Variants in SSU72 observed in about 807,000 individuals in gnomAD.
SSU72 encodes the protein SSU72 homolog, RNA polymerase II CTD phosphatase, also known as RNA polymerase II subunit A C-terminal domain phosphatase SSU72.
In SSU72, 12 loss-of-function variants were observed where a neutral mutation model predicts 22.7. That is an observed-to-expected ratio of 0.53 (90% confidence interval 0.34 to 0.86). The LOEUF (loss-of-function observed/expected upper bound fraction) is 0.86, where lower values mean the gene tolerates loss of function less well. SSU72 is among the 40% of genes least tolerant of loss of function. SSU72 has a pLI of 0.02. For missense variants in SSU72, 151 were observed against 249.8 expected, an observed-to-expected ratio of 0.60 and a Z score of 2.67; for synonymous variants, 116 against 98.3, an observed-to-expected ratio of 1.18 and a Z score of -1.06.
At chr1:1,559,812 C>T (rs1335462584) in intron 2 of SSU72, among the ~76,000 whole-genome samples, 17 of 151,102 alleles carry the variant, frequency 1.1e-4, no homozygotes, top group Admixed American at 1.1e-3. Flanking sequence ...CGGCAACCTC[C>T]ATCTCCCAGG....
intron 2 of SSU72, among the ~76,000 whole-genome samples, chr1:1,550,929 T>G (rs1261419952): frequency 6.6e-6 from 1 of 152,074 alleles, no homozygotes; most frequent in African/African-American, 2.4e-5. Flanking sequence ...GGACCTCCTC[T>G]TAAGCTGGAC....
chr1:1,544,662 AGCCCAT>A, intron 3 of SSU72, 195 bp downstream of exon 3: 1 of 645,864 alleles, frequency 1.5e-6, no homozygotes. Flanking sequence ...GGCCCCTTGA[AGCCCAT>A]GAGGCTGCAG....
chr1:1,553,740 G>A (rs189043212), intron 2 of SSU72, among the ~76,000 whole-genome samples: 6 of 150,124 alleles, frequency 4.0e-5, no homozygotes, highest in Non-Finnish European at 8.9e-5. Context: ...GCGGTGAGCC[G>A]AGACCACGCC....
rs757964527 is a variant in SSU72, at chr1:1,574,579, G to A, written c.-22C>T. The stretch of plus-strand genomic sequence containing the variant: ...GCATGGCGGCGGCCGCAAATCCCGC[G>A]GCTCTCCCGCTTGGGTTCCCACCCT... On this transcript the variant is annotated 5_prime_UTR_variant, in exon 1 of 5. Coordinates refer to ENST00000291386, the MANE Select transcript of SSU72 (RefSeq NM_014188.3). 2 of 1,578,766 alleles carry A rather than the reference G, an allele frequency of 1.3e-6. No individual in the cohort carries two copies. Among genetic ancestry groups the A allele is most frequent in the South Asian group, 1.1e-5 (1 of 87,000 alleles).
rs1642788042 is a variant in SSU72, at chr1:1,574,634, C to A, written c.-77G>T. ...CGGCGCTTCCGCGCGAACAAAATGG[C>A]GGCCGCGGTGGCCGGAAGCGGGCGA... is the stretch of plus-strand genomic sequence containing the variant. On this transcript the variant is annotated 5_prime_UTR_variant, in exon 1 of 5. Transcript: ENST00000291386. 7.1e-7 allele frequency: 1 copy of A among 1,416,042 alleles called. No homozygotes were observed. The allele number at this position is 1,416,042 out of a possible 1,614,324, so 87.7% of individuals were successfully genotyped here.
At chr1:1,564,991 G>A (rs1032012468) in intron 1 of SSU72, 75 bp from the exon 2 acceptor site, 1 of 1,505,990 alleles carries the variant, frequency 6.6e-7, no homozygotes, top group African/African-American at 1.4e-5. Context: ...ACAGCAAATG[G>A]GATAGAAACA....
chr1:1,545,270 C>T, intron 2 of SSU72: 1 of 454,226 alleles, frequency 2.2e-6, no homozygotes, highest in South Asian at 2.4e-5. Context: ...CAGGACACCC[C>T]CCGCCCCCGC....
intron 2 of SSU72, chr1:1,560,742 T>TCTGGAAGGC: frequency 6.6e-6 from 1 of 152,290 alleles, no homozygotes; most frequent in African/African-American, 2.4e-5. Flanking sequence ...ATCCAAGTAC[T>TCTGGAAGGC]CTGGAAGGCC....
intron 1 of SSU72, among the ~76,000 whole-genome samples, chr1:1,572,381 T>C (rs1001801478): frequency 1.4e-5 from 2 of 147,264 alleles, no homozygotes; most frequent in Non-Finnish European, 3.0e-5. Flanking sequence ...TGAGCTGAGA[T>C]AGCACCACTG....
chr1:1,544,265 C>A (rs755648203), intron 3 of SSU72, among the ~76,000 whole-genome samples: 24 of 152,232 alleles, frequency 1.6e-4, no homozygotes, highest in Non-Finnish European at 2.8e-4. Context: ...TGCGACCCTT[C>A]CCCGTCACTA....
intron 1 of SSU72, among the ~76,000 whole-genome samples, chr1:1,567,929 A>C (rs1476887748): frequency 6.6e-6 from 1 of 150,542 alleles, no homozygotes. Flanking sequence ...AAAAAAAAAA[A>C]TCGCACAAAG....
chr1:1,564,556 G>C, intron 2 of SSU72: 1 of 1,573,658 alleles, frequency 6.4e-7, no homozygotes, highest in Non-Finnish European at 8.6e-7. Flanking sequence ...CCCACACCGT[G>C]TCTGTGCGCC....
chr1:1,573,134 C>CA (rs900922760), intron 1 of SSU72, among the ~76,000 whole-genome samples: 8 of 144,332 alleles, frequency 5.5e-5, no homozygotes, highest in South Asian at 2.3e-4. Context: ...ACTAAAAATA[C>CA]AAAAAAAGCC....
At chr1:1,567,580 A>T (rs563189102) in intron 1 of SSU72, among the ~76,000 whole-genome samples, 1 of 152,348 alleles carries the variant, frequency 6.6e-6, no homozygotes, top group Non-Finnish European at 1.5e-5. Context: ...CACAAGGCAT[A>T]CCACAGGGAG....
At chr1:1,556,396 C>G (rs561008446) in intron 2 of SSU72, among the ~76,000 whole-genome samples, 1 of 152,020 alleles carries the variant, frequency 6.6e-6, no homozygotes, top group Admixed American at 6.6e-5. Flanking sequence ...AAAAATTAGC[C>G]GGACGTGGTG....
chr1:1,567,325 G>C (rs1642674094), intron 1 of SSU72, among the ~76,000 whole-genome samples: 1 of 152,134 alleles, frequency 6.6e-6, no homozygotes, highest in Non-Finnish European at 1.5e-5. Context: ...TACATCCCTA[G>C]ATATTCCGAG....
intron 2 of SSU72, among the ~76,000 whole-genome samples, chr1:1,556,435 G>A (rs1028533964): frequency 2.0e-5 from 3 of 152,084 alleles, no homozygotes; most frequent in South Asian, 2.1e-4. Context: ...AGCTACTTGC[G>A]GGGGCTGAGG....
chr1:1,543,033 C>G (rs922290406), intron 4 of SSU72, among the ~76,000 whole-genome samples: 2 of 152,264 alleles, frequency 1.3e-5, no homozygotes, highest in Non-Finnish European at 2.9e-5. Context: ...CTGTCTTTCA[C>G]AGACATTCAT....
intron 2 of SSU72, among the ~76,000 whole-genome samples, chr1:1,560,481 A>T (rs562946542): frequency 1.3e-5 from 2 of 152,256 alleles, no homozygotes; most frequent in East Asian, 3.9e-4. Flanking sequence ...CTAGACTCGT[A>T]CCCTGACAAT....
Sources: allele counts gnomAD v4.1 joint callset (sites outside exome capture counted in the v4.1 genomes callset), GRCh38; gene constraint gnomAD v4.1.1; transcripts MANE v1.5; gene names NCBI Gene and HGNC (gene_info 2026-07-23, HGNC 2026-07-21).